Variants in CLK1 observed in about 807,000 individuals in gnomAD.
CLK1 encodes dual specificity protein kinase CLK1.
A neutral mutation model predicts 60.9 loss-of-function variants in CLK1; 40 were observed. The observed-to-expected ratio is 0.66, with a 90% confidence interval of 0.51 to 0.86. The LOEUF is 0.86. CLK1 is among the 40% of genes least tolerant of loss of function. CLK1 has a pLI of 0.00. For synonymous variants in CLK1, 203 were observed against 184.4 expected (o/e 1.10, Z -0.82); for missense variants, 563 against 606.1 (o/e 0.93, Z 0.75).
At chr2:200,856,414 C>T (rs1424083601) in intron 9 of CLK1, among the ~76,000 whole-genome samples, 1 of 152,092 alleles carries the variant, frequency 6.6e-6, no homozygotes, top group African/African-American at 2.4e-5. Flanking sequence ...AGCCACCGCG[C>T]CCCACCTGGC....
intron 10 of CLK1, 81 bp downstream of exon 10, chr2:200,854,923 G>C: frequency 9.6e-7 from 1 of 1,036,830 alleles, no homozygotes. Context: ...AGTCTATAAT[G>C]GGGGAAGCAA....
In CLK1 at chr2:200,862,114, A is replaced by AAC. The variant is rs555574511; in HGVS notation, c.1-253_1-252insGT. 2.8e-3 allele frequency among the ~76,000 whole-genome samples: 419 copies of AAC among 152,044 alleles called. 3 individuals carry two copies. The highest frequency in any genetic ancestry group is 9.9e-3 in the African/African-American group (409 of 41,456). On this transcript the variant is annotated intron_variant, in intron 1 of 12. Transcript: ENST00000321356. ...ATTGGAAGAATGCAAAAAAAAAAAA[A>AAC]AGTGAAAAAAGTAGAGGGAGGAATC...
At chr2:200,854,810 C>A in intron 10 of CLK1, 115 bp from the exon 11 acceptor site, 1 of 838,628 alleles carries the variant, frequency 1.2e-6, no homozygotes, top group Non-Finnish European at 2.0e-6. Flanking sequence ...CCAATGATTC[C>A]CTACATGGAC....
chr2:200,860,844 A>C (rs528119979), intron 3 of CLK1: 2 of 1,050,322 alleles, frequency 1.9e-6, no homozygotes, highest in African/African-American at 1.7e-5. Flanking sequence ...AGAACAAAGA[A>C]GCATACCTAA....
At chr2:200,854,204 A>G (rs1023444618) in intron 11 of CLK1, 1 of 441,132 alleles carries the variant, frequency 2.3e-6, no homozygotes, top group Non-Finnish European at 4.0e-6. Flanking sequence ...AGTCCTAATC[A>G]GCGCCTGAGA....
At chr2:200,859,605 G>T in intron 5 of CLK1, 75 bp downstream of exon 5, 1 of 1,219,420 alleles carries the variant, frequency 8.2e-7, no homozygotes, top group Non-Finnish European at 1.2e-6. Context: ...CTCATGGTCA[G>T]ACCACTTTCT....
intron 5 of CLK1, among the ~76,000 whole-genome samples, chr2:200,859,345 G>A (rs1031161926): frequency 2.6e-5 from 4 of 152,102 alleles, no homozygotes; most frequent in Non-Finnish European, 5.9e-5. Context: ...CAAACCTCTC[G>A]AGGAGGATCT....
chr2:200,855,228 C>T (rs1044478126), intron 9 of CLK1, 142 bp from the exon 10 acceptor site: 1 of 608,746 alleles, frequency 1.6e-6, no homozygotes, highest in Non-Finnish European at 2.8e-6. Context: ...GTAATCCCAG[C>T]ACTTTGGGAG....
At position 200,857,922 on chromosome 2, in the gene CLK1, C is replaced by T. The variant is rs768961585; in HGVS notation, c.666-38G>A. 3 of 1,611,020 alleles carry T rather than the reference C, an allele frequency of 1.9e-6. No homozygotes were observed. In the African/African-American group the frequency reaches 4.0e-5, roughly 22 times the overall value. ...GAAAAATAGCTAAGTATAGTTGCTC[C>T]TAATTTAAATATACCTGATACCACT... On this transcript the variant is annotated intron_variant, in intron 6 of 12. Coordinates refer to ENST00000321356, the MANE Select transcript of CLK1 (RefSeq NM_004071.4).
chr2:200,860,242 A>C (rs755525636), intron 3 of CLK1, 27 bp from the exon 4 acceptor site: 1 of 1,613,832 alleles, frequency 6.2e-7, no homozygotes, highest in Non-Finnish European at 8.5e-7. Flanking sequence ...GGCGGCACCA[A>C]GATCATCCAG....
chr2:200,853,329 CAAAG>C lies in CLK1; in HGVS notation c.1428_1431del (p.Phe476LeufsTer4), dbSNP rs1456147765. On this transcript the variant is annotated frameshift_variant, in exon 13 of 13. Transcript: ENST00000321356. LOFTEE classifies it high-confidence loss of function. ...ATCTATATACTTTTCTTCAGAAGGT[CAAAG>C]AAAGGATGCTTTAAGGCTTCTCTGA... 6.2e-7 allele frequency: 1 copy of C among 1,611,498 alleles called. No individual in the cohort carries two copies.
chr2:200,864,309 G>A, intron 1 of CLK1: 1 of 1,455,972 alleles, frequency 6.9e-7, no homozygotes, highest in South Asian at 1.4e-5. Context: ...TCAGCGGAGG[G>A]CAGAAGCTCC....
chr2:200,864,154 G>A (rs1289999117), intron 1 of CLK1: 3 of 1,551,152 alleles, frequency 1.9e-6, no homozygotes, highest in African/African-American at 2.7e-5. Flanking sequence ...TGGAACCCCA[G>A]CAAATCCCCC....
chr2:200,863,840 C>T (rs112922562), intron 1 of CLK1, among the ~76,000 whole-genome samples: 26 of 152,196 alleles, frequency 1.7e-4, no homozygotes, highest in African/African-American at 5.3e-4. Context: ...GGCGACAGAG[C>T]GAGACTCCAA....
In CLK1 at chr2:200,856,921, A is replaced by G. The variant is rs759561599; in HGVS notation, c.897T>C (p.Ser299=). ...TGGGATTATACGCCTCTGTGTAGTC[A>G]GACTGCACAAATAAGATGTTTTCAG... The part of the protein sequence containing the change: ...LKPENILFVQ[S]DYTEAYNPKI... The change falls in exon 8 of 13, where the codon TCT becomes TCC. Residue 299 remains serine, a synonymous_variant. Transcript: ENST00000321356. 5 of 1,613,910 alleles carry G rather than the reference A, an allele frequency of 3.1e-6. No individual in the cohort carries two copies. The Admixed American group carries it at 6.7e-5, about 22-fold the overall frequency.
intron 1 of CLK1, among the ~76,000 whole-genome samples, chr2:200,863,911 A>C (rs1317144224): frequency 6.6e-6 from 1 of 152,158 alleles, no homozygotes; most frequent in African/African-American, 2.4e-5. Flanking sequence ...ATCGCATAAA[A>C]TTCTCGGTCA....
Position 200,861,761 on chromosome 2 carries a change from T to G in CLK1, c.102A>C (p.Ser34=). The part of the protein sequence containing the change: ...SSSSHKRRKR[S]HSSAQENKRC... Reference sequence around the variant, plus strand: ...GCTTGTTCTCCTGGGCACTGCTATGTGATCTCTTCCTTCTTTTATGACTGC... The same window carrying G: ...GCTTGTTCTCCTGGGCACTGCTATGGGATCTCTTCCTTCTTTTATGACTGC... The change falls in exon 2 of 13, where the codon TCA becomes TCC. Residue 34 remains serine (S), a synonymous_variant. Coordinates refer to ENST00000321356, the MANE Select transcript of CLK1 (RefSeq NM_004071.4). 1 of 1,614,172 alleles carries G rather than the reference T, an allele frequency of 6.2e-7. No individual in the cohort carries two copies. Among genetic ancestry groups the G allele is most frequent in the Non-Finnish European group, 8.5e-7 (1 of 1,180,008 alleles).
intron 9 of CLK1, among the ~76,000 whole-genome samples, chr2:200,855,629 CCA>C (rs2039027581): frequency 6.7e-6 from 1 of 148,776 alleles, no homozygotes; most frequent in Non-Finnish European, 1.5e-5. Context: ...CGCCCCCCCC[CCA>C]AAAAATTATA....
chr2:200,854,084 CTT>C, intron 11 of CLK1, 91 bp from the exon 12 acceptor site: 1 of 794,448 alleles, frequency 1.3e-6, no homozygotes, highest in Non-Finnish European at 2.0e-6. Context: ...TCCCAGATCA[CTT>C]TTCTAGAGAT....
Sources: gnomAD v4.1 joint callset for allele counts (sites outside exome capture counted in the v4.1 genomes callset) on GRCh38, gnomAD v4.1.1 for gene constraint, MANE v1.5 for transcripts, NCBI Gene and HGNC (gene_info 2026-07-23, HGNC 2026-07-21) for gene names.